MTUS2: variants seen among roughly 807,000 people sequenced by gnomAD.
MTUS2 encodes microtubule-associated tumor suppressor candidate 2.
Under a neutral mutation model 114.1 loss-of-function variants are expected in MTUS2, and 40 were observed. That is an observed-to-expected ratio of 0.35 (90% confidence interval 0.27 to 0.46). MTUS2 has a LOEUF of 0.46. MTUS2 is among the 20% of genes least tolerant of loss of function. The pLI is 1.00. For missense variants in MTUS2, 1,679 were observed against 1,705.4 expected, an observed-to-expected ratio of 0.98 and a Z score of 0.27; for synonymous variants, 688 against 672.0, an observed-to-expected ratio of 1.02 and a Z score of -0.37.
At chr13:29,318,224 A>G (rs914283554) in intron 6 of MTUS2, among the ~76,000 whole-genome samples, 2 of 148,832 alleles carry the variant, frequency 1.3e-5, no homozygotes, top group African/African-American at 2.5e-5. Context: ...AGCCTATTGT[A>G]TGTGAGATTA....
intron 5 of MTUS2, among the ~76,000 whole-genome samples, chr13:29,217,921 C>T (rs1448824736): frequency 6.6e-6 from 1 of 152,086 alleles, no homozygotes; most frequent in Non-Finnish European, 1.5e-5. Flanking sequence ...AGTTGGAGAC[C>T]AGCCTGGGCA....
At position 29,380,854 on chromosome 13, in the gene MTUS2, T is replaced by G. The variant is rs567482164; in HGVS notation, c.3117+21381T>G. 5.6e-5 allele frequency among the ~76,000 whole-genome samples: 4 copies of G among 71,420 alleles called. 2 individuals are homozygous for G. In the South Asian group the frequency reaches 2.4e-3, roughly 43 times the overall value. The allele number at this position is 71,420 out of a possible 152,430, so 46.9% of individuals were successfully genotyped here. ...TGGCGTGAACCCGGGAAGTGGAGCT[T>G]GCAGTGAGCCGAGATTGCGCCACTG... is the stretch of plus-strand genomic sequence containing the variant. On this transcript the variant is annotated intron_variant, in intron 8 of 15. Coordinates refer to ENST00000612955, the MANE Select transcript of MTUS2 (RefSeq NM_001033602.4).
In MTUS2 at chr13:29,148,455, A is replaced by G. The variant is rs1157135433; in HGVS notation, c.2644+47485A>G. 4.1e-5 allele frequency among the ~76,000 whole-genome samples: 6 copies of G among 147,008 alleles called. 1 individual carries two copies. The highest frequency in any genetic ancestry group is 7.4e-5 in the Non-Finnish European group (5 of 67,146). ...TCACCTCCCACTAATAAGTGAGAAC[A>G]TGCTGTGTTTGGTTTTCTTTTTTTT... On this transcript the variant is annotated intron_variant, in intron 5 of 15. Transcript: ENST00000612955.
At chr13:29,091,772 A>G (rs912269843) in intron 4 of MTUS2, among the ~76,000 whole-genome samples, 1 of 152,222 alleles carries the variant, frequency 6.6e-6, no homozygotes, top group Non-Finnish European at 1.5e-5. Context: ...TCCAAAATCA[A>G]TTAATCATTG....
chr13:29,389,335 A>ACACGTG lies in MTUS2; in HGVS notation c.3117+29862_3117+29863insCACGTG, dbSNP rs1566172393. 6.5e-4 allele frequency among the ~76,000 whole-genome samples: 33 copies of ACACGTG among 50,890 alleles called. 4 individuals are homozygous for ACACGTG. The highest frequency in any genetic ancestry group is 2.4e-3 in the East Asian group (3 of 1,226). The allele number at this position is 50,890 out of a possible 152,430, so 33.4% of individuals were successfully genotyped here. A position where few individuals can be genotyped will look rare whatever the true frequency, so the allele number is the denominator to read the frequency against. The stretch of plus-strand genomic sequence containing the variant: ...TATGTATACACATATGTGTGTATAT[A>ACACGTG]TGTATGCACGTGTGTGTATATATGT... On this transcript the variant is annotated intron_variant, in intron 8 of 15. Coordinates refer to ENST00000612955, the MANE Select transcript of MTUS2 (RefSeq NM_001033602.4).
At chr13:29,053,190 G>C (rs1353772823) in intron 4 of MTUS2, among the ~76,000 whole-genome samples, 1 of 152,132 alleles carries the variant, frequency 6.6e-6, no homozygotes, top group Non-Finnish European at 1.5e-5. Flanking sequence ...TGACTATTCA[G>C]AGTTATTATA....
At chr13:28,925,192 A>G (rs1395053463) in intron 2 of MTUS2, among the ~76,000 whole-genome samples, 1 of 152,106 alleles carries the variant, frequency 6.6e-6, no homozygotes. Context: ...TAATTATCTG[A>G]CACAAGAAGC....
At chr13:29,350,270 G>A (rs1869114325) in intron 7 of MTUS2, among the ~76,000 whole-genome samples, 1 of 151,414 alleles carries the variant, frequency 6.6e-6, no homozygotes, top group Non-Finnish European at 1.5e-5. Context: ...CTTGGCTGGA[G>A]GCTCGGGAGA....
chr13:29,232,520 A>G (rs1368208066), intron 5 of MTUS2, among the ~76,000 whole-genome samples: 1 of 152,246 alleles, frequency 6.6e-6, no homozygotes, highest in African/African-American at 2.4e-5. Context: ...AGTTCAGGAC[A>G]CTACGGGTTT....
chr13:29,046,824 T>G (rs1430115331), intron 4 of MTUS2, among the ~76,000 whole-genome samples: 11 of 152,150 alleles, frequency 7.2e-5, no homozygotes, highest in Non-Finnish European at 1.2e-4. Context: ...CCTTTCCTTA[T>G]TCGGAAAGAG....
At chr13:29,126,079 T>C (rs1445014391) in intron 5 of MTUS2, among the ~76,000 whole-genome samples, 1 of 152,210 alleles carries the variant, frequency 6.6e-6, no homozygotes, top group African/African-American at 2.4e-5. Flanking sequence ...AGGAGAGGAA[T>C]ATAGCTATGT....
At chr13:28,996,767 C>T (rs185970322) in intron 2 of MTUS2, among the ~76,000 whole-genome samples, 33 of 152,034 alleles carry the variant, frequency 2.2e-4, no homozygotes, top group Non-Finnish European at 3.8e-4. Flanking sequence ...TTTTTTATTG[C>T]GTCTATTTGA....
intron 8 of MTUS2, among the ~76,000 whole-genome samples, chr13:29,432,393 T>A (rs1475851663): frequency 6.6e-6 from 1 of 152,190 alleles, no homozygotes; most frequent in Non-Finnish European, 1.5e-5. Flanking sequence ...ATTGTTAGAA[T>A]TGTTGAGTTA....
At chr13:29,436,411 G>A (rs2138665128) in intron 8 of MTUS2, among the ~76,000 whole-genome samples, 1 of 152,318 alleles carries the variant, frequency 6.6e-6, no homozygotes, top group African/African-American at 2.4e-5. Context: ...AGTGTCTGGA[G>A]GAGTAAATGA....
intron 5 of MTUS2, among the ~76,000 whole-genome samples, chr13:29,189,864 T>C (rs1894375202): frequency 6.6e-6 from 1 of 152,178 alleles, no homozygotes; most frequent in African/African-American, 2.4e-5. Flanking sequence ...CATTGAAGCA[T>C]TAACCCCCAA....
chr13:29,242,364 T>A (rs1441135706), intron 5 of MTUS2, among the ~76,000 whole-genome samples: 4 of 152,256 alleles, frequency 2.6e-5, no homozygotes, highest in Non-Finnish European at 5.9e-5. Flanking sequence ...CTAATGCTTC[T>A]GAGGCTCATC....
At chr13:29,196,860 C>T (rs1030992610) in intron 5 of MTUS2, among the ~76,000 whole-genome samples, 3 of 152,272 alleles carry the variant, frequency 2.0e-5, no homozygotes, top group African/African-American at 7.2e-5. Context: ...TCTGTGGACA[C>T]TTGAGTTGCT....
At chr13:28,913,026 G>GT (rs1171348929) in intron 2 of MTUS2, among the ~76,000 whole-genome samples, 39 of 152,252 alleles carry the variant, frequency 2.6e-4, no homozygotes, top group African/African-American at 8.9e-4. Context: ...AGACGATGGG[G>GT]TTTTCTAGAT....
chr13:29,370,815 T>C (rs1220777947), intron 8 of MTUS2, among the ~76,000 whole-genome samples: 3 of 152,178 alleles, frequency 2.0e-5, no homozygotes, highest in Non-Finnish European at 4.4e-5. Flanking sequence ...ATAGCTCAAA[T>C]TAGAAGTAAA....
Sources: gnomAD v4.1 joint callset for allele counts (sites outside exome capture counted in the v4.1 genomes callset) on GRCh38, gnomAD v4.1.1 for gene constraint, MANE v1.5 for transcripts, NCBI Gene and HGNC (gene_info 2026-07-23, HGNC 2026-07-21) for gene names.